The following OVCH1 variants were observed in gnomAD, a reference collection of about 807,000 sequenced individuals.
OVCH1 encodes ovochymase-1.
A neutral mutation model predicts 138.4 loss-of-function variants in OVCH1; 139 were observed. The observed-to-expected ratio is 1.00, with a 90% CI of 0.87 to 1.16. The LOEUF (loss-of-function observed/expected upper bound fraction) is 1.16, where lower values mean the gene tolerates loss of function less well. Ranked by LOEUF, OVCH1 falls within the 50% of genes most tolerant of loss-of-function variation. The pLI is 0.00. For synonymous variants in OVCH1, 453 were observed against 467.8 expected (o/e 0.97, Z 0.41); for missense variants, 1,367 against 1,357.9 (o/e 1.01, Z -0.11).
At chr12:29,436,821 T>C (rs1941370376) in intron 26 of OVCH1, among the ~76,000 whole-genome samples, 2 of 151,726 alleles carry the variant, frequency 1.3e-5, no homozygotes, top group Non-Finnish European at 2.9e-5. Flanking sequence ...TGGTGAGTGT[T>C]ACAGCTCATA....
chr12:29,437,141 G>A (rs1443395920), intron 26 of OVCH1, among the ~76,000 whole-genome samples: 1 of 152,136 alleles, frequency 6.6e-6, no homozygotes, highest in East Asian at 1.9e-4. Context: ...TAGACACAGT[G>A]TGCTGATTGG....
chr12:29,481,229 C>T (rs1565605529), intron 8 of OVCH1, among the ~76,000 whole-genome samples: 2 of 152,132 alleles, frequency 1.3e-5, no homozygotes, highest in Non-Finnish European at 2.9e-5. Context: ...GGTGGGTTTA[C>T]ACTTTGTTTA....
chr12:29,485,144 T>C (rs1592107689), intron 8 of OVCH1, among the ~76,000 whole-genome samples: 2 of 151,792 alleles, frequency 1.3e-5, no homozygotes, highest in Non-Finnish European at 2.9e-5. Context: ...GCTGAGGCGG[T>C]TGCATCACTT....
intron 19 of OVCH1, among the ~76,000 whole-genome samples, chr12:29,459,244 A>G (rs553257943): frequency 5.9e-5 from 9 of 152,216 alleles, no homozygotes; most frequent in Non-Finnish European, 1.3e-4. Flanking sequence ...AGTATCCATC[A>G]ACAGATGAAT....
chr12:29,459,535 A>G (rs534736035), intron 19 of OVCH1, among the ~76,000 whole-genome samples: 1 of 152,236 alleles, frequency 6.6e-6, no homozygotes, highest in East Asian at 1.9e-4. Context: ...TAATGGGTAC[A>G]AAAAAATAGA....
At position 29,443,382 on chromosome 12, in the gene OVCH1, CA is replaced by C; in HGVS notation, c.3135del (p.Phe1045LeufsTer7). 1 of 1,609,794 alleles carries C rather than the reference CA, an allele frequency of 6.2e-7. No homozygotes were observed. Reference sequence around the variant, plus strand: ...TTACCTATTAATTTTTTTCCTGGTCCAAATCCTTCGTAAACACGCAGATGAC... The same window carrying C: ...TTACCTATTAATTTTTTTCCTGGTCCAATCCTTCGTAAACACGCAGATGAC... On this transcript the variant is annotated frameshift_variant, in exon 25 of 28. Coordinates refer to ENST00000318184, the Ensembl canonical transcript of OVCH1. LOFTEE classifies it high-confidence loss of function.
intron 4 of OVCH1, among the ~76,000 whole-genome samples, chr12:29,493,259 T>C (rs1943320349): frequency 6.6e-6 from 1 of 152,226 alleles, no homozygotes; most frequent in South Asian, 2.1e-4. Context: ...TGACATTCAC[T>C]TACTGCTGTT....
chr12:29,421,014 C>A (rs1941096426), intron 3 of OVCH1, among the ~76,000 whole-genome samples: 1 of 152,216 alleles, frequency 6.6e-6, no homozygotes, highest in Non-Finnish European at 1.5e-5. Context: ...GTCTCAGAGA[C>A]CCTGCACCAC....
At chr12:29,465,051 A>C in intron 17 of OVCH1, 96 bp downstream of exon 17, 1 of 1,042,768 alleles carries the variant, frequency 9.6e-7, no homozygotes, top group Non-Finnish European at 1.4e-6. Context: ...GCCCTAGGAG[A>C]TTAATAACTA....
chr12:29,406,574 T>G, the OVCH1 span, among the ~76,000 whole-genome samples: 4 of 149,692 alleles, frequency 2.7e-5, no homozygotes, highest in African/African-American at 7.4e-5. Context: ...TTTGTTCTTG[T>G]GATAGTTTAC....
intron 5 of OVCH1, among the ~76,000 whole-genome samples, chr12:29,490,238 T>TTTTA (rs913442185): frequency 3.2e-4 from 48 of 152,098 alleles, no homozygotes; most frequent in African/African-American, 7.2e-4. Flanking sequence ...ATTTTTTATT[T>TTTTA]TTTATTTATT....
At chr12:29,450,746 G>A (rs1565578939) in intron 22 of OVCH1, among the ~76,000 whole-genome samples, 1 of 152,062 alleles carries the variant, frequency 6.6e-6, no homozygotes, top group Non-Finnish European at 1.5e-5. Flanking sequence ...CTTCACAATA[G>A]CAAACACTTG....
At chr12:29,414,873 T>C (rs1195920087) in intron 3 of OVCH1, among the ~76,000 whole-genome samples, 1 of 152,132 alleles carries the variant, frequency 6.6e-6, no homozygotes, top group East Asian at 1.9e-4. Context: ...TAAAAGTCTT[T>C]AATATTATGA....
At chr12:29,442,106 G>A (rs1269179432) in intron 25 of OVCH1, among the ~76,000 whole-genome samples, 3 of 151,404 alleles carry the variant, frequency 2.0e-5, no homozygotes, top group South Asian at 4.2e-4. Flanking sequence ...ATTTGACCCA[G>A]CCATCCCATT....
chr12:29,411,198 T>C (rs868838259), downstream of OVCH1, among the ~76,000 whole-genome samples: 16 of 105,552 alleles, frequency 1.5e-4, 2 homozygotes, highest in South Asian at 1.2e-3. Context: ...ATTCTAGTTA[T>C]ACATTCGTCT....
intron 26 of OVCH1, among the ~76,000 whole-genome samples, chr12:29,435,131 G>A (rs771257613): frequency 8.5e-5 from 13 of 152,120 alleles, no homozygotes; most frequent in Non-Finnish European, 1.3e-4. Flanking sequence ...TTTATAACAG[G>A]CAAGTTGCAG....
chr12:29,413,721 T>C (rs1940993795), intron 3 of OVCH1, among the ~76,000 whole-genome samples: 1 of 152,162 alleles, frequency 6.6e-6, no homozygotes, highest in African/African-American at 2.4e-5. Context: ...TATTATATTT[T>C]GATTTAGACG....
exon 22 of OVCH1, chr12:29,451,487 C>T: frequency 2.5e-6 from 4 of 1,613,332 alleles, no homozygotes; most frequent in South Asian, 1.1e-5. Flanking sequence ...AAGAACATTC[C>T]AGTCTTCCTC....
At chr12:29,489,712 A>G (rs894648632) in exon 6 of OVCH1, 9 of 1,610,544 alleles carry the variant, frequency 5.6e-6, no homozygotes, top group East Asian at 2.2e-5. Context: ...ACAGTATTAC[A>G]CGCTCTGTCA....
Sources: gnomAD v4.1 joint callset for allele counts (sites outside exome capture counted in the v4.1 genomes callset) on GRCh38, gnomAD v4.1.1 for gene constraint, MANE v1.5 for transcripts, NCBI Gene and HGNC (gene_info 2026-07-23, HGNC 2026-07-21) for gene names.